Variants in FASTKD1 observed in about 807,000 individuals in gnomAD.
FASTKD1 encodes FAST kinase domains 1.
Under a neutral mutation model 90.9 loss-of-function variants are expected in FASTKD1, and 94 were observed. The ratio of observed to expected loss-of-function variants is 1.03; its 90% confidence interval spans 0.88 to 1.23. The LOEUF is 1.23. Ranked by LOEUF, FASTKD1 falls within the 50% of genes most tolerant of loss-of-function variation. The pLI is 0.00. For missense variants in FASTKD1, 945 were observed against 993.5 expected, an observed-to-expected ratio of 0.95 and a Z score of 0.66; for synonymous variants, 319 against 345.8, an observed-to-expected ratio of 0.92 and a Z score of 0.86.
chr2:169,533,759 G>A (rs759229671), intron 12 of FASTKD1, among the ~76,000 whole-genome samples: 74 of 152,230 alleles, frequency 4.9e-4, no homozygotes, highest in Admixed American at 2.0e-3. Context: ...TGTTGTATAA[G>A]CATATCTGTT....
At chr2:169,563,562 G>C (rs1669291414) in intron 3 of FASTKD1, among the ~76,000 whole-genome samples, 1 of 152,076 alleles carries the variant, frequency 6.6e-6, no homozygotes, top group Non-Finnish European at 1.5e-5. Context: ...AAAATTATTT[G>C]AATGATTTAC....
chr2:169,542,808 A>G (rs760093685), intron 9 of FASTKD1, among the ~76,000 whole-genome samples: 2 of 152,234 alleles, frequency 1.3e-5, no homozygotes, highest in African/African-American at 2.4e-5. Context: ...GGTTCTTAAG[A>G]AACATTTTTT....
At chr2:169,540,306 G>A in intron 9 of FASTKD1, 127 bp from the exon 10 acceptor site, 6 of 931,034 alleles carry the variant, frequency 6.4e-6, no homozygotes, top group Non-Finnish European at 7.6e-6. Context: ...AATCTACACT[G>A]TTACAAGACA....
chr2:169,555,247 G>T lies in FASTKD1; in HGVS notation c.1091C>A (p.Ser364Ter). The T allele has an allele frequency of 6.2e-7, 1 of 1,606,782 alleles. No individual in the cohort carries two copies. ...RNSCLIKRVT[S>*]VLHKHLDGYK... is the part of the protein sequence containing the mutation. The stretch of plus-strand genomic sequence containing the variant: ...GCCATCCAAATGTTTATGCAGAACT[G>T]AAGTAACTCTAAAAAGGATAGAGCA... The change falls in exon 7 of 15, where the codon TCA becomes TAA. Residue 364 changes from serine to a stop codon, truncating the protein, a stop_gained. Transcript: ENST00000453153. LOFTEE classifies it high-confidence loss of function.
In FASTKD1 at chr2:169,559,512, C is replaced by T. The variant is rs375554356; in HGVS notation, c.971+875G>A. Among the ~76,000 whole-genome samples, 65 of 152,330 alleles carry T rather than the reference C, an allele frequency of 4.3e-4. 3 individuals are homozygous for T. The South Asian group carries it at 0.013, about 32-fold the overall frequency. ...TGGCGCAATGTCAGTTCACTGCAGG[C>T]TCAACCTCCTTGGGCTCAGGTGATC... On this transcript the variant is annotated intron_variant, in intron 5 of 14. Coordinates refer to ENST00000453153, the MANE Select transcript of FASTKD1 (RefSeq NM_024622.6).
chr2:169,545,577 G>C (rs552540614), intron 8 of FASTKD1, among the ~76,000 whole-genome samples: 3 of 152,108 alleles, frequency 2.0e-5, no homozygotes, highest in African/African-American at 7.2e-5. Flanking sequence ...TCCATAAAGC[G>C]GCATTTTACA....
chr2:169,563,823 C>T (rs1027179439), intron 3 of FASTKD1, among the ~76,000 whole-genome samples: 2 of 151,998 alleles, frequency 1.3e-5, no homozygotes, highest in Non-Finnish European at 2.9e-5. Flanking sequence ...GCAAAAAACC[C>T]GAATGTCCAT....
chr2:169,573,477 G>C (rs1051911727), intron 1 of FASTKD1, 192 bp downstream of exon 1: 34 of 152,164 alleles, frequency 2.2e-4, no homozygotes, highest in African/African-American at 7.7e-4. Context: ...TATCTTCTGC[G>C]CCGGGCATAA....
At chr2:169,549,520 C>T (rs1306428241) in intron 7 of FASTKD1, among the ~76,000 whole-genome samples, 1 of 152,090 alleles carries the variant, frequency 6.6e-6, no homozygotes, top group Non-Finnish European at 1.5e-5. Flanking sequence ...GGCTAGAGGG[C>T]AGTGGCGTAA....
chr2:169,564,435 ATTT>A (rs869250764), intron 3 of FASTKD1, among the ~76,000 whole-genome samples: 3 of 151,936 alleles, frequency 2.0e-5, no homozygotes, highest in Non-Finnish European at 4.4e-5. Flanking sequence ...TAAAAAAAAA[ATTT>A]TTTTTGTGGG....
rs773937216 is a variant in FASTKD1 at position 169,544,204 on chromosome 2, G to A, written c.1816+517C>T. ...AATGTTAACATTATTGAATCTACACGGTGAGTATATATGTGTTCTTTGTTT... is the reference window on the plus strand; with the variant it reads ...AATGTTAACATTATTGAATCTACACAGTGAGTATATATGTGTTCTTTGTTT... On this transcript the variant is annotated intron_variant, in intron 9 of 14. Coordinates refer to ENST00000453153, the MANE Select transcript of FASTKD1 (RefSeq NM_024622.6). Among the ~76,000 whole-genome samples the A allele has an allele frequency of 1.2e-3, 187 of 152,120 alleles. 2 individuals carry two copies. Among genetic ancestry groups the A allele is most frequent in the Non-Finnish European group, 4.6e-4 (31 of 68,022 alleles).
intron 6 of FASTKD1, 81 bp from the exon 7 acceptor site, chr2:169,555,336 C>T (rs558030351): frequency 1.1e-5 from 13 of 1,197,560 alleles, no homozygotes; most frequent in East Asian, 9.6e-5. Context: ...CCAGACACTC[C>T]GTTCTGTGCT....
chr2:169,544,938 C>T, intron 8 of FASTKD1, 103 bp from the exon 9 acceptor site: 1 of 619,280 alleles, frequency 1.6e-6, no homozygotes. Context: ...ATCATCGCTA[C>T]AGTTAAATAA....
intron 9 of FASTKD1, among the ~76,000 whole-genome samples, chr2:169,543,215 G>C (rs1337723151): frequency 6.6e-6 from 1 of 152,142 alleles, no homozygotes; most frequent in Non-Finnish European, 1.5e-5. Context: ...TGTAATCCCA[G>C]CACTTTGGGA....
chr2:169,561,687 A>G (rs953846148), intron 4 of FASTKD1, among the ~76,000 whole-genome samples: 2 of 148,648 alleles, frequency 1.3e-5, no homozygotes, highest in Admixed American at 6.7e-5. Flanking sequence ...AAATTAATCC[A>G]TTATAAATTA....
chr2:169,555,356 G>T lies in FASTKD1; in HGVS notation c.1083-101C>A, dbSNP rs578124327. ...CACTCCGTTCTGTGCTGGAGAAACG[G>T]CAATGAATGAGATGAGATTCTCTAT... On this transcript the variant is annotated intron_variant, in intron 6 of 14. Transcript: ENST00000453153. The T allele has an allele frequency of 4.2e-6, 4 of 945,182 alleles. No individual in the cohort carries two copies. The South Asian group carries it at 4.6e-5, about 11-fold the overall frequency. The allele number at this position is 945,182 out of a possible 1,614,324, so 58.5% of individuals were successfully genotyped here.
At chr2:169,531,018 A>G (rs535424286) in intron 13 of FASTKD1, 7 of 663,768 alleles carry the variant, frequency 1.1e-5, no homozygotes, top group South Asian at 8.2e-5. Context: ...CAGAGAACAC[A>G]TGATGTATAG....
At chr2:169,566,345 A>G (rs1272600995) in intron 3 of FASTKD1, among the ~76,000 whole-genome samples, 1 of 152,200 alleles carries the variant, frequency 6.6e-6, no homozygotes, top group African/African-American at 2.4e-5. Flanking sequence ...AAGACTGGCT[A>G]TGTGTTGACA....
intron 14 of FASTKD1, 151 bp from the exon 15 acceptor site, chr2:169,530,077 G>A (rs1684414127): frequency 1.7e-6 from 1 of 595,206 alleles, no homozygotes; most frequent in Admixed American, 3.4e-5. Flanking sequence ...TGGAAGCCAA[G>A]TGGGTCCTTC....
Sources: gnomAD v4.1 joint callset for allele counts (sites outside exome capture counted in the v4.1 genomes callset) on GRCh38, gnomAD v4.1.1 for gene constraint, MANE v1.5 for transcripts, NCBI Gene and HGNC (gene_info 2026-07-23, HGNC 2026-07-21) for gene names.